RBM19: variants seen among roughly 807,000 people sequenced by gnomAD.
RBM19 encodes the protein probable RNA-binding protein 19.
In RBM19, 94 loss-of-function variants were observed where a neutral mutation model predicts 116.8. The observed-to-expected ratio is 0.80, with a 90% CI of 0.68 to 0.95. RBM19 has a LOEUF of 0.95. RBM19 is among the 40% of genes least tolerant of loss of function. The pLI is 0.00. For missense variants in RBM19, 1,161 were observed against 1,220.7 expected, an observed-to-expected ratio of 0.95 and a Z score of 0.73; for synonymous variants, 475 against 494.1, an observed-to-expected ratio of 0.96 and a Z score of 0.51.
chr12:113,868,100 T>C (rs1399644973), intron 21 of RBM19, among the ~76,000 whole-genome samples: 6 of 152,246 alleles, frequency 3.9e-5, no homozygotes, highest in African/African-American at 1.4e-4. Context: ...AGTCCATGTA[T>C]TACTCTTATG....
chr12:113,918,302 AAGGGTTGTGAGACAGCCTCC>A, intron 20 of RBM19, 70 bp downstream of exon 20: 1 of 1,232,014 alleles, frequency 8.1e-7, no homozygotes. Flanking sequence ...AAGGACATTG[AAGGGTTGTGAGACAGCCTCC>A]AGGGTGGCCG....
At chr12:113,857,457 G>A (rs965730584) in intron 22 of RBM19, among the ~76,000 whole-genome samples, 3 of 152,242 alleles carry the variant, frequency 2.0e-5, no homozygotes, top group Non-Finnish European at 4.4e-5. Flanking sequence ...AACTGCCGTG[G>A]GTGGGAGCTC....
At chr12:113,864,227 C>T (rs1361712529) in intron 21 of RBM19, among the ~76,000 whole-genome samples, 1 of 152,170 alleles carries the variant, frequency 6.6e-6, no homozygotes, top group Non-Finnish European at 1.5e-5. Flanking sequence ...TATCTACAAG[C>T]AGCCAAAGAT....
At chr12:113,819,925 C>T (rs1874303716), downstream of RBM19, among the ~76,000 whole-genome samples, 2 of 152,160 alleles carry the variant, frequency 1.3e-5, no homozygotes, top group African/African-American at 4.8e-5. Flanking sequence ...TAATTGCTTT[C>T]CTAGTTCCCG....
chr12:113,960,477 G>A (rs547442868), intron 2 of RBM19, among the ~76,000 whole-genome samples: 1 of 152,316 alleles, frequency 6.6e-6, no homozygotes, highest in East Asian at 1.9e-4. Context: ...GATACACCGA[G>A]CCTCTCATGT....
chr12:113,954,704 A>G (rs913495725), intron 7 of RBM19, among the ~76,000 whole-genome samples: 1 of 152,274 alleles, frequency 6.6e-6, no homozygotes, highest in African/African-American at 2.4e-5. Context: ...TACAGTCCAC[A>G]GGCCAAATCT....
chr12:113,957,611 C>T (rs1211610666), intron 6 of RBM19, among the ~76,000 whole-genome samples, 171 bp downstream of exon 6: 2 of 151,400 alleles, frequency 1.3e-5, no homozygotes, highest in Non-Finnish European at 1.5e-5. Flanking sequence ...AGAAAAGAAA[C>T]GCAGAAAGAA....
At chr12:113,926,982 T>G (rs761805168) in intron 17 of RBM19, 72 bp downstream of exon 17, 1 of 1,485,376 alleles carries the variant, frequency 6.7e-7, no homozygotes, top group African/African-American at 1.4e-5. Flanking sequence ...GCAGAATAAA[T>G]GCAGTGGCCG....
At chr12:113,896,862 T>G (rs1368981602) in intron 21 of RBM19, among the ~76,000 whole-genome samples, 1 of 152,236 alleles carries the variant, frequency 6.6e-6, no homozygotes, top group Non-Finnish European at 1.5e-5. Context: ...GCAGGATCTT[T>G]TCATGGCACT....
chr12:113,888,736 G>C (rs1323597858), intron 21 of RBM19, among the ~76,000 whole-genome samples: 1 of 152,140 alleles, frequency 6.6e-6, no homozygotes, highest in African/African-American at 2.4e-5. Flanking sequence ...GCTGTAGGCA[G>C]GGACACTGCC....
chr12:113,891,906 C>T (rs1159744603), intron 21 of RBM19, among the ~76,000 whole-genome samples: 1 of 152,196 alleles, frequency 6.6e-6, no homozygotes, highest in Non-Finnish European at 1.5e-5. Flanking sequence ...CGCTCATTTC[C>T]CTGTAGAAAG....
At chr12:113,936,063 A>G (rs1870034557) in intron 16 of RBM19, among the ~76,000 whole-genome samples, 1 of 150,716 alleles carries the variant, frequency 6.6e-6, no homozygotes, top group African/African-American at 2.5e-5. Context: ...AAAAAAAACA[A>G]CTCTTAAATC....
At position 113,952,528 on chromosome 12, in the gene RBM19, A is replaced by G. The variant is rs151239578; in HGVS notation, c.984T>C (p.Ala328=). Residue 328 remains alanine, a synonymous_variant, in exon 8 of 24, where the codon GCT becomes GCC. Coordinates refer to ENST00000261741, the MANE Select transcript of RBM19 (RefSeq NM_016196.4). ...KPVAIRIVRN[A]HGNKTGYIFV... ...GGATCTTACCTGTTTTATTCCCATG[A>G]GCGTTTCTCACAATTCGAATGGCCA... 26 of 1,613,756 alleles carry G rather than the reference A, an allele frequency of 1.6e-5. No individual in the cohort carries two copies. The African/African-American group carries it at 3.2e-4, about 20-fold the overall frequency.
chr12:113,851,361 G>A (rs1026361250), intron 22 of RBM19, among the ~76,000 whole-genome samples: 1 of 152,198 alleles, frequency 6.6e-6, no homozygotes, highest in Admixed American at 6.5e-5. Flanking sequence ...CTGATTGTGA[G>A]GCAAACATGA....
chr12:113,828,407 G>A (rs1875067785), intron 23 of RBM19, among the ~76,000 whole-genome samples: 1 of 152,064 alleles, frequency 6.6e-6, no homozygotes, highest in Admixed American at 6.5e-5. Flanking sequence ...CCTGTTCCTG[G>A]AGGCTCCTGA....
At chr12:113,909,173 G>T (rs75513366) in intron 21 of RBM19, among the ~76,000 whole-genome samples, 6,457 of 152,078 alleles carry the variant, frequency 0.042, 346 homozygotes, top group Admixed American at 0.16. Flanking sequence ...CACAGGCTGG[G>T]GTGCAGTGGC....
At chr12:113,930,851 G>C (rs1447643080) in intron 16 of RBM19, among the ~76,000 whole-genome samples, 3 of 152,132 alleles carry the variant, frequency 2.0e-5, no homozygotes, top group Non-Finnish European at 4.4e-5. Flanking sequence ...AGGGGGCCTG[G>C]AAAAGACGAG....
intron 2 of RBM19, among the ~76,000 whole-genome samples, chr12:113,961,212 G>T (rs886928354): frequency 2.0e-5 from 3 of 151,862 alleles, no homozygotes; most frequent in African/African-American, 7.3e-5. Context: ...TTTTTGTAAA[G>T]ACGCAGTCTT....
At chr12:113,829,421 C>G (rs956733011) in intron 23 of RBM19, among the ~76,000 whole-genome samples, 5 of 152,200 alleles carry the variant, frequency 3.3e-5, no homozygotes, top group Admixed American at 2.0e-4. Context: ...CTGCTAAGCT[C>G]CTTACCTCAG....
Sources: allele counts gnomAD v4.1 joint callset (sites outside exome capture counted in the v4.1 genomes callset), GRCh38; gene constraint gnomAD v4.1.1; transcripts MANE v1.5; gene names NCBI Gene and HGNC (gene_info 2026-07-23, HGNC 2026-07-21).